The following BOP1 variants were observed in gnomAD, a reference collection of about 807,000 sequenced individuals.
The protein encoded by BOP1 is ribosome biogenesis protein BOP1.
BOP1 carries 54 observed loss-of-function variants against 82.9 expected under a neutral mutation model. That is an observed-to-expected ratio of 0.65 (90% CI 0.52 to 0.82). The LOEUF (loss-of-function observed/expected upper bound fraction) is 0.82. Ranked by LOEUF, BOP1 falls within the 40% of genes least tolerant of loss-of-function variation. The pLI, the probability that BOP1 is intolerant of heterozygous loss-of-function variation, is 0.00. For synonymous variants in BOP1, 566 were observed against 451.1 expected (o/e 1.25, Z -3.23); for missense variants, 1,170 against 1,072.0 (o/e 1.09, Z -1.28).
chr8:144,277,372 A>G, intron 2 of BOP1, among the ~76,000 whole-genome samples: 1 of 152,300 alleles, frequency 6.6e-6, no homozygotes. Context: ...ATGAGCCCCC[A>G]CAGCCGCAGC....
At position 144,262,139 on chromosome 8, in the gene BOP1, C is replaced by T. The variant is rs1357625201; in HGVS notation, c.*25G>A. On this transcript the variant is annotated 3_prime_UTR_variant, in exon 16 of 16. Transcript: ENST00000569669. Reference sequence around the variant, plus strand: ...GGCTCTGTTGACTTCAGCACGACCACCCCAGCCCCAGGCAGGCAGAACAGC... The same window carrying T: ...GGCTCTGTTGACTTCAGCACGACCATCCCAGCCCCAGGCAGGCAGAACAGC... 5.6e-6 allele frequency: 9 copies of T among 1,611,594 alleles called. No individual in the cohort carries two copies. In the African/African-American group the frequency reaches 1.1e-4, roughly 19 times the overall value.
chr8:144,266,691 G>A, intron 3 of BOP1: 1 of 1,245,656 alleles, frequency 8.0e-7, no homozygotes, highest in Non-Finnish European at 1.0e-6. Context: ...CGGAGGACGA[G>A]GACCGCGGCA....
chr8:144,276,365 G>A (rs1225447538), intron 2 of BOP1, 61 bp from the exon 3 acceptor site: 6 of 1,581,870 alleles, frequency 3.8e-6, no homozygotes, highest in Non-Finnish European at 4.3e-6. Flanking sequence ...TGACCTTGGG[G>A]GGATCCCAGG....
At chr8:144,263,791 A>G (rs942826464) in intron 9 of BOP1, 30 bp from the exon 10 acceptor site, 2 of 1,604,740 alleles carry the variant, frequency 1.2e-6, no homozygotes, top group Non-Finnish European at 1.7e-6. Context: ...GAGGAGTCAG[A>G]CTGGGAGGGT....
At chr8:144,267,105 G>C (rs1845390569) in intron 3 of BOP1, 1 of 1,439,580 alleles carries the variant, frequency 6.9e-7, no homozygotes, top group Non-Finnish European at 9.0e-7. Flanking sequence ...CGCCCCCGCC[G>C]CCTCCCGCCC....
intron 2 of BOP1, chr8:144,281,800 G>C (rs1554838981): frequency 6.6e-6 from 1 of 151,914 alleles, no homozygotes; most frequent in Non-Finnish European, 1.5e-5. Flanking sequence ...GGCCGGGCTG[G>C]TCTCGAACTC....
chr8:144,278,261 G>A (rs587719601), intron 2 of BOP1, among the ~76,000 whole-genome samples: 57 of 149,584 alleles, frequency 3.8e-4, no homozygotes, highest in African/African-American at 1.4e-3. Context: ...CAGGATGCGG[G>A]GCCGCTGGGG....
intron 2 of BOP1, among the ~76,000 whole-genome samples, chr8:144,277,762 C>T (rs1845589852): frequency 2.7e-5 from 2 of 73,784 alleles, no homozygotes; most frequent in African/African-American, 6.4e-5. Flanking sequence ...CAGGGGGCGA[C>T]GGCGCTCAGC....
At chr8:144,283,057 G>A (rs1323170319) in intron 2 of BOP1, among the ~76,000 whole-genome samples, 1 of 151,212 alleles carries the variant, frequency 6.6e-6, no homozygotes, top group Admixed American at 6.6e-5. Context: ...AATTACCCGA[G>A]CGTGGTGGCT....
chr8:144,289,581 C>T (rs1814974680), intron 1 of BOP1, among the ~76,000 whole-genome samples: 1 of 152,216 alleles, frequency 6.6e-6, no homozygotes, highest in African/African-American at 2.4e-5. Context: ...AGGACAACCT[C>T]CTCCTCTTGG....
rs1297908597 is a variant in BOP1, at chr8:144,276,273, G to A, written c.341C>T (p.Ala114Val). ...ASTPCPRTEM[A>V]SARIGDEYAE... ...ATACTCATCCCCAATCCGGGCGCTC[G>A]CCATCTCTGTCCTCGGGCAAGGAGT... Residue 114 changes from alanine (A) to valine (V), a missense_variant, in exon 3 of 16, where the codon GCG (alanine) becomes GTG (valine). Ala to Val is a moderately conservative substitution (Grantham distance 64). Transcript: ENST00000569669. The A allele has an allele frequency of 1.5e-5, 25 of 1,613,408 alleles. No homozygotes were observed. The highest frequency in any genetic ancestry group is 1.8e-5 in the Non-Finnish European group (21 of 1,179,824).
At chr8:144,287,397 G>C (rs899029043) in intron 2 of BOP1, among the ~76,000 whole-genome samples, 3 of 152,222 alleles carry the variant, frequency 2.0e-5, no homozygotes, top group Admixed American at 2.0e-4. Context: ...ATGTACACCA[G>C]ACCACTAACT....
Position 144,268,014 on chromosome 8 carries a change from A to G in BOP1, c.391-2943T>C, listed in dbSNP as rs1025781544. On this transcript the variant is annotated intron_variant, in intron 3 of 15. Coordinates refer to ENST00000569669, the MANE Select transcript of BOP1 (RefSeq NM_015201.5). Reference sequence around the variant, plus strand: ...GGAAGGAGGTGCCTTGGCGCTGGCCACCTGAGATGGCACCCAGCAGGGAGG... The same window carrying G: ...GGAAGGAGGTGCCTTGGCGCTGGCCGCCTGAGATGGCACCCAGCAGGGAGG... The G allele has an allele frequency of 5.8e-6, 9 of 1,541,352 alleles. No homozygotes were observed. The African/African-American group carries it at 1.1e-4, about 19-fold the overall frequency.
chr8:144,289,330 C>T, intron 1 of BOP1, 26 bp from the exon 2 acceptor site: 1 of 1,608,852 alleles, frequency 6.2e-7, no homozygotes, highest in Non-Finnish European at 8.5e-7. Context: ...GGGTTGGTGA[C>T]AACTGCCCCT....
At chr8:144,265,394 A>C in intron 3 of BOP1, 4 of 469,668 alleles carry the variant, frequency 8.5e-6, no homozygotes, top group South Asian at 2.7e-5. Flanking sequence ...GGATGACCTC[A>C]TCACCCACGG....
At chr8:144,280,164 G>A (rs1432185631) in intron 2 of BOP1, among the ~76,000 whole-genome samples, 1 of 152,218 alleles carries the variant, frequency 6.6e-6, no homozygotes, top group Admixed American at 6.5e-5. Context: ...CCCCATGGGG[G>A]CCAAGAAGCT....
rs1314025860 is a variant in BOP1, at chr8:144,276,076, G to T, written c.390+148C>A. 8.2e-6 allele frequency: 7 copies of T among 854,464 alleles called. No individual in the cohort carries two copies. The Admixed American group carries it at 1.3e-4, about 16-fold the overall frequency. The allele number at this position is 854,464 out of a possible 1,614,324, so 52.9% of individuals were successfully genotyped here. On this transcript the variant is annotated intron_variant, in intron 3 of 15. Transcript: ENST00000569669. Reference sequence around the variant, plus strand: ...GCTCTTGCAGATGGGGAAGCAGGACGCCCACGTGGGCCTCGGCTCCAACAG... The same window carrying T: ...GCTCTTGCAGATGGGGAAGCAGGACTCCCACGTGGGCCTCGGCTCCAACAG...
chr8:144,278,111 G>A (rs1554838512), intron 2 of BOP1, among the ~76,000 whole-genome samples: 1 of 152,186 alleles, frequency 6.6e-6, no homozygotes, highest in Admixed American at 6.5e-5. Flanking sequence ...CGGGCCCGAT[G>A]GAGCACGAGA....
At chr8:144,277,444 G>A (rs897230952) in intron 2 of BOP1, among the ~76,000 whole-genome samples, 4 of 152,224 alleles carry the variant, frequency 2.6e-5, no homozygotes, top group East Asian at 1.9e-4. Context: ...ACCCGGCTGC[G>A]GTCGGCTGCC....
Sources: gnomAD v4.1 joint callset for allele counts (sites outside exome capture counted in the v4.1 genomes callset) on GRCh38, gnomAD v4.1.1 for gene constraint, MANE v1.5 for transcripts, NCBI Gene and HGNC (gene_info 2026-07-23, HGNC 2026-07-21) for gene names.